Variants in CNTNAP5 observed in about 807,000 individuals in gnomAD.
CNTNAP5 encodes the protein contactin associated protein family member 5, also known as contactin-associated protein-like 5.
CNTNAP5 carries 72 observed loss-of-function variants against 150.2 expected under a neutral mutation model. That is an observed-to-expected ratio of 0.48 (90% CI 0.40 to 0.58). CNTNAP5 has a LOEUF of 0.58. CNTNAP5 is among the 20% of genes least tolerant of loss of function. CNTNAP5 has a pLI of 0.00. For synonymous variants in CNTNAP5, 672 were observed against 619.8 expected, an observed-to-expected ratio of 1.08 and a Z score of -1.25; for missense variants, 1,636 against 1,626.2, an observed-to-expected ratio of 1.01 and a Z score of -0.10.
intron 3 of CNTNAP5, among the ~76,000 whole-genome samples, chr2:124,352,552 G>T (rs1260456593): frequency 6.6e-6 from 1 of 152,162 alleles, no homozygotes; most frequent in African/African-American, 2.4e-5. Context: ...TTCTAGCTGT[G>T]CAATTTTCTG....
At chr2:124,158,838 C>T (rs1311920633) in intron 1 of CNTNAP5, among the ~76,000 whole-genome samples, 2 of 152,264 alleles carry the variant, frequency 1.3e-5, no homozygotes, top group Non-Finnish European at 2.9e-5. Flanking sequence ...CATTAAACCT[C>T]AAGAGCGCCT....
chr2:124,777,053 C>A (rs1183793058), intron 17 of CNTNAP5, among the ~76,000 whole-genome samples: 2 of 151,580 alleles, frequency 1.3e-5, no homozygotes, highest in African/African-American at 2.4e-5. Flanking sequence ...GACCTCTGAG[C>A]GCTAGCGGGC....
intron 1 of CNTNAP5, among the ~76,000 whole-genome samples, chr2:124,086,975 GC>G (rs1216974686): frequency 1.3e-5 from 2 of 151,314 alleles, no homozygotes; most frequent in Non-Finnish European, 2.9e-5. Context: ...TTTTTATATA[GC>G]TTTATTAGTA....
At chr2:124,357,906 A>C (rs371307681) in intron 3 of CNTNAP5, among the ~76,000 whole-genome samples, 18 of 151,352 alleles carry the variant, frequency 1.2e-4, no homozygotes, top group Non-Finnish European at 1.9e-4. Flanking sequence ...GCAGTATGGC[A>C]ATTTTCATGA....
At chr2:124,115,487 A>G (rs1364910073) in intron 1 of CNTNAP5, among the ~76,000 whole-genome samples, 1 of 152,178 alleles carries the variant, frequency 6.6e-6, no homozygotes, top group East Asian at 1.9e-4. Context: ...TTTTGAAAAC[A>G]AAATCGAGTG....
intron 3 of CNTNAP5, among the ~76,000 whole-genome samples, chr2:124,326,948 C>G (rs1375530231): frequency 6.8e-6 from 1 of 146,774 alleles, no homozygotes; most frequent in Non-Finnish European, 1.5e-5. Flanking sequence ...GCACTACAGC[C>G]TGGGCGACGA....
intron 22 of CNTNAP5, among the ~76,000 whole-genome samples, chr2:124,909,245 T>C (rs2226028): frequency 0.49 from 73,749 of 152,014 alleles, 18,395 homozygotes; most frequent in African/African-American, 0.55. Flanking sequence ...CTCTGCTCTT[T>C]CTATGTTTAG....
chr2:124,242,521 A>G (rs1462540697), intron 3 of CNTNAP5, 128 bp downstream of exon 3: 6 of 895,358 alleles, frequency 6.7e-6, no homozygotes, highest in African/African-American at 5.1e-5. Context: ...CATTAGAAAT[A>G]ATTAGACAAT....
intron 8 of CNTNAP5, among the ~76,000 whole-genome samples, chr2:124,509,097 G>A (rs1573422788): frequency 6.6e-6 from 1 of 152,218 alleles, no homozygotes; most frequent in South Asian, 2.1e-4. Flanking sequence ...GGATCTAAAA[G>A]AGAAGGTAAT....
At chr2:124,201,270 G>A (rs1573831202) in intron 1 of CNTNAP5, among the ~76,000 whole-genome samples, 1 of 152,106 alleles carries the variant, frequency 6.6e-6, no homozygotes, top group Non-Finnish European at 1.5e-5. Flanking sequence ...AGCCAAAAAG[G>A]GAGAGAATAA....
chr2:124,377,242 TG>T (rs1690671100), intron 3 of CNTNAP5, among the ~76,000 whole-genome samples: 1 of 152,124 alleles, frequency 6.6e-6, no homozygotes, highest in Admixed American at 6.6e-5. Context: ...ACATTATTTT[TG>T]CTTTAATAGA....
chr2:124,909,412 G>T (rs1179295509), intron 22 of CNTNAP5, among the ~76,000 whole-genome samples: 2 of 152,100 alleles, frequency 1.3e-5, no homozygotes, highest in Non-Finnish European at 2.9e-5. Context: ...GATTGTGTGA[G>T]CACACTCTAT....
chr2:124,771,393 A>G (rs1056538381), intron 16 of CNTNAP5, among the ~76,000 whole-genome samples: 1 of 152,158 alleles, frequency 6.6e-6, no homozygotes, highest in African/African-American at 2.4e-5. Context: ...AAAACACAAG[A>G]CAATATACTC....
At chr2:124,628,764 A>G (rs921078564) in intron 12 of CNTNAP5, among the ~76,000 whole-genome samples, 8 of 152,196 alleles carry the variant, frequency 5.3e-5, no homozygotes, top group African/African-American at 1.9e-4. Context: ...AAGACACAGA[A>G]TGGAAACCTG....
chr2:124,603,645 G>C (rs1204396997), intron 11 of CNTNAP5, among the ~76,000 whole-genome samples: 1 of 152,112 alleles, frequency 6.6e-6, no homozygotes, highest in East Asian at 1.9e-4. Context: ...ATTTATACAA[G>C]AAAGACAGGA....
intron 2 of CNTNAP5, among the ~76,000 whole-genome samples, chr2:124,240,380 C>A (rs1447410681): frequency 6.6e-6 from 1 of 152,122 alleles, no homozygotes; most frequent in African/African-American, 2.4e-5. Context: ...GCACGCTAGC[C>A]TGGAAGTGGC....
At chr2:124,402,452 G>A (rs1207263456) in intron 3 of CNTNAP5, among the ~76,000 whole-genome samples, 1 of 152,176 alleles carries the variant, frequency 6.6e-6, no homozygotes, top group Non-Finnish European at 1.5e-5. Flanking sequence ...ACATGAGCAC[G>A]TGATTGTCAC....
At chr2:124,182,004 TATTA>T (rs1685220979) in intron 1 of CNTNAP5, among the ~76,000 whole-genome samples, 1 of 152,202 alleles carries the variant, frequency 6.6e-6, no homozygotes, top group African/African-American at 2.4e-5. Flanking sequence ...TTCCAAAATG[TATTA>T]GACATAAAGT....
intron 6 of CNTNAP5, among the ~76,000 whole-genome samples, chr2:124,474,176 A>G (rs1384075343): frequency 6.6e-6 from 1 of 152,108 alleles, no homozygotes; most frequent in African/African-American, 2.4e-5. Context: ...AATAAGCACC[A>G]TTATTGACAA....
Sources: allele counts gnomAD v4.1 joint callset (sites outside exome capture counted in the v4.1 genomes callset), GRCh38; gene constraint gnomAD v4.1.1; transcripts MANE v1.5; gene names NCBI Gene and HGNC (gene_info 2026-07-23, HGNC 2026-07-21).